Variants in NTRK3 observed in about 807,000 individuals in gnomAD.
NTRK3 encodes the protein neurotrophic receptor tyrosine kinase 3.
Under a neutral mutation model 91.7 loss-of-function variants are expected in NTRK3, and 24 were observed. The ratio of observed to expected loss-of-function variants is 0.26; its 90% CI spans 0.19 to 0.37. The LOEUF (loss-of-function observed/expected upper bound fraction) is 0.37. NTRK3 is among the 10% of genes least tolerant of loss of function. The pLI, the probability that NTRK3 is intolerant of heterozygous loss-of-function variation, is 1.00. For missense variants in NTRK3, 880 were observed against 1,068.9 expected, an observed-to-expected ratio of 0.82 and a Z score of 2.46; for synonymous variants, 483 against 404.0, an observed-to-expected ratio of 1.20 and a Z score of -2.34.
At chr15:87,973,430 A>C (rs2073429618) in intron 14 of NTRK3, among the ~76,000 whole-genome samples, 1 of 152,120 alleles carries the variant, frequency 6.6e-6, no homozygotes, top group Non-Finnish European at 1.5e-5. Flanking sequence ...TATCTCCTTC[A>C]ACTCACTTTT....
At chr15:87,912,292 A>C (rs1194218272) in intron 17 of NTRK3, among the ~76,000 whole-genome samples, 2 of 152,186 alleles carry the variant, frequency 1.3e-5, no homozygotes, top group Non-Finnish European at 2.9e-5. Context: ...ACAAGCTCAC[A>C]CTTCTACTTA....
At chr15:87,997,838 C>T (rs961827741) in intron 14 of NTRK3, among the ~76,000 whole-genome samples, 3 of 152,178 alleles carry the variant, frequency 2.0e-5, no homozygotes, top group Non-Finnish European at 4.4e-5. Context: ...CCATCCCACA[C>T]AACGTGTGCA....
intron 13 of NTRK3, among the ~76,000 whole-genome samples, chr15:88,118,268 G>A (rs576254885): frequency 6.6e-6 from 1 of 152,306 alleles, no homozygotes; most frequent in East Asian, 1.9e-4. Flanking sequence ...GCAGCCACAT[G>A]ACAGCTTCTC....
At chr15:87,929,000 G>A (rs867327950) in intron 17 of NTRK3, 191 bp downstream of exon 17, 3 of 697,786 alleles carry the variant, frequency 4.3e-6, no homozygotes, top group Middle Eastern at 3.6e-4. Flanking sequence ...AGAAGGAGTG[G>A]GCAATTGAGA....
At chr15:88,180,074 G>C (rs765030541) in intron 5 of NTRK3, among the ~76,000 whole-genome samples, 1 of 152,160 alleles carries the variant, frequency 6.6e-6, no homozygotes, top group Admixed American at 6.5e-5. Context: ...ATCATTACTA[G>C]CAACTGTTCT....
At chr15:88,037,910 G>T (rs1294332704) in intron 13 of NTRK3, among the ~76,000 whole-genome samples, 1 of 152,198 alleles carries the variant, frequency 6.6e-6, no homozygotes, top group Non-Finnish European at 1.5e-5. Flanking sequence ...GCAGTGACCT[G>T]CCCAAGGACA....
At chr15:87,951,023 T>C (rs2071058556) in intron 14 of NTRK3, among the ~76,000 whole-genome samples, 1 of 152,144 alleles carries the variant, frequency 6.6e-6, no homozygotes, top group South Asian at 2.1e-4. Context: ...TCCCCAGGCT[T>C]TATCCTCATA....
chr15:88,005,062 C>G (rs1345923353), intron 14 of NTRK3, among the ~76,000 whole-genome samples: 9 of 152,182 alleles, frequency 5.9e-5, no homozygotes, highest in Non-Finnish European at 2.9e-5. Flanking sequence ...GGTTTTAACC[C>G]TATATTCGTG....
chr15:88,033,080 C>T (rs775306971), intron 13 of NTRK3, 35 bp from the exon 14 acceptor site: 63 of 1,545,220 alleles, frequency 4.1e-5, no homozygotes, highest in South Asian at 4.7e-5. Flanking sequence ...GACCTGGTGA[C>T]GTCACATCCG....
At chr15:88,181,925 A>G (rs1326348865) in intron 5 of NTRK3, among the ~76,000 whole-genome samples, 1 of 152,190 alleles carries the variant, frequency 6.6e-6, no homozygotes, top group Non-Finnish European at 1.5e-5. Context: ...CAGATGTCAA[A>G]AGCTTTTTCC....
At chr15:88,011,257 C>A (rs1262505084) in intron 14 of NTRK3, among the ~76,000 whole-genome samples, 1 of 152,166 alleles carries the variant, frequency 6.6e-6, no homozygotes, top group African/African-American at 2.4e-5. Context: ...TCGCTTCTTG[C>A]TGTCTAGAAT....
intron 3 of NTRK3, among the ~76,000 whole-genome samples, chr15:88,219,155 T>G (rs2050039813): frequency 6.6e-6 from 1 of 152,266 alleles, no homozygotes; most frequent in African/African-American, 2.4e-5. Flanking sequence ...GGCACCCGCC[T>G]GGGCAGAGAG....
At chr15:88,119,125 C>T (rs904222677) in intron 13 of NTRK3, among the ~76,000 whole-genome samples, 6 of 152,240 alleles carry the variant, frequency 3.9e-5, no homozygotes, top group Non-Finnish European at 7.3e-5. Flanking sequence ...AGCCTCCACA[C>T]GACCAATGGT....
Position 88,235,739 on chromosome 15 carries a change from G to C in NTRK3, c.248+20167C>G, listed in dbSNP as rs1365755407. Among the ~76,000 whole-genome samples, 1 of 152,220 alleles carries C rather than the reference G, an allele frequency of 6.6e-6. No homozygotes were observed. Among genetic ancestry groups the C allele is most frequent in the Non-Finnish European group, 1.5e-5 (1 of 68,040 alleles). On this transcript the variant is annotated intron_variant, in intron 3 of 18. Transcript: ENST00000394480. This position sits in a 1 kb window ranked among gnomAD's most constrained non-coding sequence, Gnocchi z 5.2. Reference sequence around the variant, plus strand: ...GGACCCCAGAAGGTGCCCTTGAGAAGTCAGTCATCTGTTTTCTGCCTGCTT... The same window carrying C: ...GGACCCCAGAAGGTGCCCTTGAGAACTCAGTCATCTGTTTTCTGCCTGCTT...
At chr15:87,940,033 T>C (rs2069669953) in intron 15 of NTRK3, among the ~76,000 whole-genome samples, 1 of 152,156 alleles carries the variant, frequency 6.6e-6, no homozygotes, top group Admixed American at 6.5e-5. Flanking sequence ...GGAGGAAGTT[T>C]CTCCCAGGCA....
chr15:88,159,023 G>A (rs1024505209), intron 5 of NTRK3, among the ~76,000 whole-genome samples: 6 of 152,232 alleles, frequency 3.9e-5, no homozygotes, highest in Non-Finnish European at 7.3e-5. Context: ...CAAGCCCCCG[G>A]GCTGAGAGAG....
intron 13 of NTRK3, among the ~76,000 whole-genome samples, chr15:88,107,124 T>C (rs1015144014): frequency 6.6e-6 from 1 of 152,086 alleles, no homozygotes; most frequent in African/African-American, 2.4e-5. Context: ...GATTTTTATA[T>C]AATGAATATA....
At chr15:87,900,659 C>A (rs529025292) in intron 17 of NTRK3, among the ~76,000 whole-genome samples, 9 of 151,764 alleles carry the variant, frequency 5.9e-5, no homozygotes, top group Non-Finnish European at 1.2e-4. Context: ...CTTCCTAACA[C>A]CTGCAGCATC....
chr15:87,951,559 T>G (rs541793055), intron 14 of NTRK3, among the ~76,000 whole-genome samples: 1 of 152,266 alleles, frequency 6.6e-6, no homozygotes, highest in African/African-American at 2.4e-5. Context: ...CCTCATTCTT[T>G]CCCCCAGCAA....
Sources: gnomAD v4.1 joint callset for allele counts (sites outside exome capture counted in the v4.1 genomes callset) on GRCh38, gnomAD v4.1.1 for gene constraint, Gnocchi (gnomAD v3.1) non-coding constraint, MANE v1.5 for transcripts, NCBI Gene and HGNC (gene_info 2026-07-23, HGNC 2026-07-21) for gene names.